The following COL21A1 variants were observed in gnomAD, a reference collection of about 807,000 sequenced individuals.
COL21A1 encodes the protein collagen alpha-1(XXI) chain.
COL21A1 carries 149 observed loss-of-function variants against 137.9 expected under a neutral mutation model. That is an observed-to-expected ratio of 1.08 (90% confidence interval 0.95 to 1.24). The LOEUF (loss-of-function observed/expected upper bound fraction) is 1.24. Among genes scored for constraint, COL21A1 ranks in the 50% most tolerant of loss-of-function variants. COL21A1 has a pLI of 0.00. For missense variants in COL21A1, 1,167 were observed against 1,158.4 expected (o/e 1.01, Z -0.11); for synonymous variants, 456 against 391.5 (o/e 1.16, Z -1.95).
chr6:56,195,436 A>T (rs1304376921), intron 1 of COL21A1, among the ~76,000 whole-genome samples: 2 of 152,064 alleles, frequency 1.3e-5, no homozygotes, highest in African/African-American at 2.4e-5. Context: ...CCTGAAACAA[A>T]TGTGGTGGGG....
At chr6:56,177,071 AAGT>A (rs1335060069) in intron 3 of COL21A1, among the ~76,000 whole-genome samples, 20 of 151,938 alleles carry the variant, frequency 1.3e-4, no homozygotes, top group South Asian at 8.3e-4. Context: ...GTAGAAAAAG[AAGT>A]AGTAGTAGAA....
intron 12 of COL21A1, among the ~76,000 whole-genome samples, chr6:56,133,522 C>A (rs150586986): frequency 6.6e-6 from 1 of 152,116 alleles, no homozygotes; most frequent in African/African-American, 2.4e-5. Context: ...CCATTTTCTG[C>A]GGAGAAATTT....
In COL21A1 at chr6:56,192,979, T is replaced by C. The variant is rs186844470; in HGVS notation, c.-38-10323A>G. On this transcript the variant is annotated intron_variant, in intron 1 of 29. Coordinates refer to ENST00000244728, the MANE Select transcript of COL21A1 (RefSeq NM_030820.4). ...GGCACATATACACCATGGAATACTA[T>C]GCAGCCATAAAAAAGGATGAGTTCA... Among the ~76,000 whole-genome samples the C allele has an allele frequency of 4.1e-3, 625 of 152,298 alleles. 4 individuals carry two copies. Among genetic ancestry groups the C allele is most frequent in the African/African-American group, 0.014 (589 of 41,556 alleles).
At chr6:56,305,470 C>G (rs1251509797) in intron 1 of COL21A1, among the ~76,000 whole-genome samples, 1 of 152,052 alleles carries the variant, frequency 6.6e-6, no homozygotes, top group Non-Finnish European at 1.5e-5. Context: ...TTGAATTGAT[C>G]CCTTTACCAT....
At chr6:56,219,177 C>G (rs1470803549) in intron 1 of COL21A1, among the ~76,000 whole-genome samples, 2 of 135,074 alleles carry the variant, frequency 1.5e-5, no homozygotes, top group Non-Finnish European at 3.0e-5. Flanking sequence ...TGAGCCAAGC[C>G]CAGAAGCTCC....
intron 16 of COL21A1, among the ~76,000 whole-genome samples, chr6:56,106,839 T>C (rs1582372578): frequency 6.6e-6 from 1 of 151,816 alleles, no homozygotes; most frequent in Non-Finnish European, 1.5e-5. Context: ...CAGGCTGGAG[T>C]GCAGTGGCGC....
At chr6:56,079,999 A>C (rs2114145958) in intron 17 of COL21A1, among the ~76,000 whole-genome samples, 1 of 151,832 alleles carries the variant, frequency 6.6e-6, no homozygotes, top group Non-Finnish European at 1.5e-5. Flanking sequence ...AGGGAAACTG[A>C]AATCATTCAG....
intron 5 of COL21A1, among the ~76,000 whole-genome samples, chr6:56,170,121 TA>T (rs556850384): frequency 1.0e-3 from 157 of 152,002 alleles, no homozygotes; most frequent in African/African-American, 3.6e-3. Context: ...TGTATTCCAT[TA>T]GGGTAAATAA....
chr6:56,341,459 G>A lies in COL21A1; in HGVS notation c.-39+52512C>T, dbSNP rs186697617. On this transcript the variant is annotated intron_variant, in intron 1 of 28. Coordinates refer to the COL21A1 transcript ENST00000370819. ...AGACATGGAGGAAACATAAATGAAAGTAAAGAAGCCAGTCAGAAGACCAGA... is the reference window on the plus strand; with the variant it reads ...AGACATGGAGGAAACATAAATGAAAATAAAGAAGCCAGTCAGAAGACCAGA... Among the ~76,000 whole-genome samples, 575 of 152,250 alleles carry A rather than the reference G, an allele frequency of 3.8e-3. 3 individuals carry two copies. The highest frequency in any genetic ancestry group is 9.4e-3 in the Admixed American group (143 of 15,290).
intron 1 of COL21A1, among the ~76,000 whole-genome samples, chr6:56,306,144 C>T (rs1764445326): frequency 1.9e-5 from 2 of 105,304 alleles, no homozygotes; most frequent in African/African-American, 2.9e-5. Context: ...CCCAACCTTT[C>T]TCTTTGGCTG....
chr6:56,113,651 G>A (rs1264704155), intron 16 of COL21A1, among the ~76,000 whole-genome samples: 5 of 152,044 alleles, frequency 3.3e-5, no homozygotes, highest in Non-Finnish European at 5.9e-5. Flanking sequence ...GTGGCTATGG[G>A]GTAAAACTCC....
intron 1 of COL21A1, among the ~76,000 whole-genome samples, chr6:56,195,479 A>C (rs1778960685): frequency 6.6e-6 from 1 of 151,890 alleles, no homozygotes; most frequent in Non-Finnish European, 1.5e-5. Flanking sequence ...TGAGTATTTT[A>C]ATATATATTT....
intron 1 of COL21A1, among the ~76,000 whole-genome samples, chr6:56,219,786 A>T (rs906927849): frequency 1.3e-5 from 2 of 152,078 alleles, no homozygotes; most frequent in Non-Finnish European, 2.9e-5. Context: ...TGCAATGAAT[A>T]TTTTTGCCCA....
intron 1 of COL21A1, among the ~76,000 whole-genome samples, chr6:56,282,842 T>C (rs1285324319): frequency 1.3e-5 from 2 of 152,338 alleles, no homozygotes; most frequent in African/African-American, 4.8e-5. Flanking sequence ...TCCCCACTAC[T>C]GAAAATCACA....
chr6:56,134,358 G>T (rs1012092210), intron 12 of COL21A1, among the ~76,000 whole-genome samples: 5 of 152,098 alleles, frequency 3.3e-5, no homozygotes, highest in African/African-American at 9.7e-5. Context: ...TCTCCCATTC[G>T]GAATGGGAGT....
At chr6:56,343,996 A>G (rs1765530512) in intron 1 of COL21A1, among the ~76,000 whole-genome samples, 1 of 152,198 alleles carries the variant, frequency 6.6e-6, no homozygotes, top group Non-Finnish European at 1.5e-5. Context: ...GATGGATAAC[A>G]ATATTTGACT....
intron 17 of COL21A1, among the ~76,000 whole-genome samples, chr6:56,085,281 T>C (rs1448229010): frequency 6.6e-6 from 1 of 152,144 alleles, no homozygotes; most frequent in Non-Finnish European, 1.5e-5. Flanking sequence ...ATCTAATTTC[T>C]ATCTTTGTAA....
At position 56,353,564 on chromosome 6, in the gene COL21A1, C is replaced by A. The variant is rs116662335; in HGVS notation, c.-39+40407G>T. On this transcript the variant is annotated intron_variant, in intron 1 of 28. Coordinates refer to the COL21A1 transcript ENST00000370819. ...AGTTCATTCAACCCTTGGCATCATGCGAGATAATAAAAACTAGTGTTGTCT... is the reference window on the plus strand; with the variant it reads ...AGTTCATTCAACCCTTGGCATCATGAGAGATAATAAAAACTAGTGTTGTCT... Among the ~76,000 whole-genome samples, 1,117 of 152,188 alleles carry A rather than the reference C, an allele frequency of 7.3e-3. 11 individuals are homozygous for A. Among genetic ancestry groups the A allele is most frequent in the African/African-American group, 0.025 (1,053 of 41,524 alleles).
At chr6:56,134,127 A>C (rs553158726) in intron 12 of COL21A1, among the ~76,000 whole-genome samples, 2 of 152,334 alleles carry the variant, frequency 1.3e-5, no homozygotes, top group East Asian at 3.9e-4. Flanking sequence ...AAAACCACAG[A>C]CACTCAATGC....
Sources: gnomAD v4.1 joint callset for allele counts (sites outside exome capture counted in the v4.1 genomes callset) on GRCh38, gnomAD v4.1.1 for gene constraint, MANE v1.5 for transcripts, NCBI Gene and HGNC (gene_info 2026-07-23, HGNC 2026-07-21) for gene names.